The following SLC9B2 variants were observed in gnomAD, a reference collection of about 807,000 sequenced individuals.
SLC9B2 encodes solute carrier family 9 member B2, also known as sodium/hydrogen exchanger 9B2.
In SLC9B2, 39 loss-of-function variants were observed where a neutral mutation model predicts 52.2. The ratio of observed to expected loss-of-function variants is 0.75; its 90% CI spans 0.58 to 0.98. The LOEUF (loss-of-function observed/expected upper bound fraction) is 0.98, where lower values mean the gene tolerates loss of function less well. SLC9B2 is among the 50% of genes least tolerant of loss of function. The pLI is 0.00. For synonymous variants in SLC9B2, 214 were observed against 227.0 expected, an observed-to-expected ratio of 0.94 and a Z score of 0.51; for missense variants, 626 against 637.5, an observed-to-expected ratio of 0.98 and a Z score of 0.19.
intron 11 of SLC9B2, among the ~76,000 whole-genome samples, chr4:103,028,108 A>G (rs571713246): frequency 1.3e-5 from 2 of 152,342 alleles, no homozygotes; most frequent in South Asian, 2.1e-4. Flanking sequence ...TGCATGGTCA[A>G]CAAATTCAAG....
chr4:103,064,623 A>G (rs760484902), intron 3 of SLC9B2, among the ~76,000 whole-genome samples: 1 of 152,170 alleles, frequency 6.6e-6, no homozygotes, highest in African/African-American at 2.4e-5. Flanking sequence ...GTATACCTCA[A>G]AACAGAAGAT....
intron 9 of SLC9B2, chr4:103,041,956 T>G (rs1390536357): frequency 6.6e-6 from 1 of 152,188 alleles, no homozygotes; most frequent in African/African-American, 2.4e-5. Context: ...ACTTAGTGCC[T>G]CATACAGAGC....
At chr4:103,041,752 A>G (rs1434008073) in intron 9 of SLC9B2, among the ~76,000 whole-genome samples, 1 of 152,178 alleles carries the variant, frequency 6.6e-6, no homozygotes, top group Non-Finnish European at 1.5e-5. Context: ...GTCATGCACA[A>G]TAATGCTACA....
intron 3 of SLC9B2, among the ~76,000 whole-genome samples, chr4:103,062,633 A>AT (rs906230848): frequency 1.2e-4 from 18 of 151,896 alleles, no homozygotes; most frequent in Admixed American, 6.6e-4. Context: ...TTTTATTTTT[A>AT]TTTTTTGAGA....
chr4:103,074,871 A>T (rs1438976007), intron 1 of SLC9B2, among the ~76,000 whole-genome samples: 1 of 152,162 alleles, frequency 6.6e-6, no homozygotes, highest in African/African-American at 2.4e-5. Context: ...CCTTCTCAGT[A>T]TTTCCTAACT....
downstream of SLC9B2, chr4:103,019,727 G>T (rs1003587348): frequency 7.2e-5 from 71 of 985,468 alleles, no homozygotes; most frequent in Admixed American, 5.5e-4. Flanking sequence ...TCCGCGCAGG[G>T]GCGGGGCGGG....
chr4:103,067,391 G>C, intron 2 of SLC9B2, 70 bp downstream of exon 2: 1 of 1,392,060 alleles, frequency 7.2e-7, no homozygotes. Context: ...TGTAAGTTTG[G>C]GGATAGGAGA....
downstream of SLC9B2, chr4:103,020,267 T>C (rs536727600): frequency 1.9e-5 from 8 of 418,200 alleles, no homozygotes; most frequent in South Asian, 5.2e-5. Context: ...TTTTTTTTTT[T>C]CCGCATGAAA....
intron 5 of SLC9B2, among the ~76,000 whole-genome samples, chr4:103,049,441 C>A (rs1744463914): frequency 6.6e-6 from 1 of 151,996 alleles, no homozygotes; most frequent in East Asian, 1.9e-4. Flanking sequence ...AAGTGAAGAG[C>A]CTGATCCCCC....
At chr4:103,047,362 C>T in intron 6 of SLC9B2, 136 bp from the exon 7 acceptor site, 1 of 757,220 alleles carries the variant, frequency 1.3e-6, no homozygotes, top group Non-Finnish European at 2.0e-6. Context: ...ATTAAGAAAA[C>T]AAACTTTAAT....
chr4:103,039,083 A>T (rs978748666), intron 9 of SLC9B2, among the ~76,000 whole-genome samples: 3 of 152,164 alleles, frequency 2.0e-5, no homozygotes, highest in African/African-American at 4.8e-5. Context: ...TTTTTAGATG[A>T]TTATTGTATT....
At chr4:103,045,504 T>C (rs963408810) in intron 7 of SLC9B2, among the ~76,000 whole-genome samples, 3 of 151,690 alleles carry the variant, frequency 2.0e-5, no homozygotes, top group African/African-American at 7.3e-5. Flanking sequence ...CTTTAGTCTC[T>C]GGTATATTGA....
At chr4:103,053,772 G>A (rs903070048) in intron 4 of SLC9B2, among the ~76,000 whole-genome samples, 5 of 151,610 alleles carry the variant, frequency 3.3e-5, no homozygotes, top group African/African-American at 9.7e-5. Flanking sequence ...GTGCGGTTTC[G>A]GCTCACTGCA....
chr4:103,036,866 A>G (rs746686849), intron 9 of SLC9B2, among the ~76,000 whole-genome samples: 1 of 152,200 alleles, frequency 6.6e-6, no homozygotes, highest in Non-Finnish European at 1.5e-5. Context: ...ATATTTTTGG[A>G]TGACATTTCA....
chr4:103,031,068 A>G (rs750154729), intron 10 of SLC9B2, among the ~76,000 whole-genome samples: 10 of 152,188 alleles, frequency 6.6e-5, no homozygotes, highest in Non-Finnish European at 8.8e-5. Context: ...GAAAATTGCG[A>G]CATGGATATT....
chr4:103,051,502 C>T (rs1030409668), intron 4 of SLC9B2, among the ~76,000 whole-genome samples: 4 of 152,156 alleles, frequency 2.6e-5, no homozygotes, highest in Non-Finnish European at 4.4e-5. Context: ...GGGAAAGTCT[C>T]GTAAGTTCTG....
chr4:103,047,212 G>A lies in SLC9B2; in HGVS notation c.728C>T (p.Ala243Val). The A allele has an allele frequency of 6.2e-7, 1 of 1,612,592 alleles. No individual in the cohort carries two copies. The highest frequency in any genetic ancestry group is 8.5e-7 in the Non-Finnish European group (1 of 1,179,298). Residue 243 changes from alanine to valine, a missense_variant, in exon 7 of 12, where the codon GCT becomes GTT. Coordinates refer to ENST00000394785, the MANE Select transcript of SLC9B2 (RefSeq NM_178833.7). ...WGFILGFVLG[A>V]VSPAVVVPSM... ...AGGCACCACAACAGCTGGAGATACA[G>A]CACCTAAAACAAAACTAGGCAGACA... is the stretch of plus-strand genomic sequence containing the variant.
chr4:103,050,442 A>G (rs1181434329), intron 4 of SLC9B2, 60 bp from the exon 5 acceptor site: 9 of 1,449,700 alleles, frequency 6.2e-6, no homozygotes, highest in Non-Finnish European at 8.2e-6. Context: ...TATTTTTAGT[A>G]CTTTAATTTT....
Position 103,057,835 on chromosome 4 carries a change from C to T in SLC9B2, c.408G>A (p.Lys136=), listed in dbSNP as rs779655478. 2 of 1,613,728 alleles carry T rather than the reference C, an allele frequency of 1.2e-6. No individual in the cohort carries two copies. Among genetic ancestry groups the T allele is most frequent in the Admixed American group, 3.3e-5 (2 of 59,948 alleles). ...AAGGCAGTGGAGGCAATGTAGGTAA[C>T]TTAATAAGCCCCAAAAGTTTACCAC... ...IIGGKLLGLI[K]LPTLPPLPSL... is the part of the protein sequence containing the mutation. The change falls in exon 4 of 12, where the codon AAG becomes AAA. Residue 136 remains lysine (K), a synonymous_variant. Transcript: ENST00000394785.
Sources: allele counts gnomAD v4.1 joint callset (sites outside exome capture counted in the v4.1 genomes callset), GRCh38; gene constraint gnomAD v4.1.1; transcripts MANE v1.5; gene names NCBI Gene and HGNC (gene_info 2026-07-23, HGNC 2026-07-21).